The following FGD4 variants were observed in gnomAD, a reference collection of about 807,000 sequenced individuals.
FGD4 encodes FYVE, RhoGEF and PH domain-containing protein 4.
In FGD4, 42 loss-of-function variants were observed where a neutral mutation model predicts 102.0. That is an observed-to-expected ratio of 0.41 (90% CI 0.32 to 0.53). The LOEUF (loss-of-function observed/expected upper bound fraction) is 0.53, where lower values mean the gene tolerates loss of function less well. Among genes scored for constraint, FGD4 ranks in the 20% least tolerant of loss-of-function variants. FGD4 has a pLI of 0.21. For synonymous variants in FGD4, 380 were observed against 375.7 expected (o/e 1.01, Z -0.13); for missense variants, 902 against 1,078.2 (o/e 0.84, Z 2.29).
At chr12:32,597,294 G>A (rs370107859) in intron 4 of FGD4, among the ~76,000 whole-genome samples, 15 of 152,326 alleles carry the variant, frequency 9.8e-5, no homozygotes, top group Admixed American at 5.9e-4. Context: ...GCGAAACAGG[G>A]TGGCAGTGTT....
At chr12:32,596,406 T>A (rs1259557230) in intron 4 of FGD4, among the ~76,000 whole-genome samples, 1 of 152,180 alleles carries the variant, frequency 6.6e-6, no homozygotes, top group Non-Finnish European at 1.5e-5. Flanking sequence ...TAATCAAACA[T>A]GCATTTGAGT....
At chr12:32,459,327 G>A (rs1183050684) in intron 1 of FGD4, among the ~76,000 whole-genome samples, 1 of 151,396 alleles carries the variant, frequency 6.6e-6, no homozygotes, top group Admixed American at 6.6e-5. Context: ...CCAACTAGCT[G>A]GGGTTACAGG....
chr12:32,558,450 A>C (rs1206642532), intron 1 of FGD4, among the ~76,000 whole-genome samples: 1 of 152,232 alleles, frequency 6.6e-6, no homozygotes, highest in Non-Finnish European at 1.5e-5. Flanking sequence ...AGACCGTATA[A>C]AGCTGTGATC....
chr12:32,472,612 A>G (rs978814209), intron 1 of FGD4, among the ~76,000 whole-genome samples: 1 of 152,160 alleles, frequency 6.6e-6, no homozygotes, highest in African/African-American at 2.4e-5. Flanking sequence ...AGCCTCCCGG[A>G]CGAGCACCAC....
intron 1 of FGD4, among the ~76,000 whole-genome samples, chr12:32,465,671 A>T (rs1943233691): frequency 6.6e-6 from 1 of 152,168 alleles, no homozygotes; most frequent in Non-Finnish European, 1.5e-5. Context: ...CGTCTTAAAA[A>T]AAAAAAAAAT....
At chr12:32,581,546 T>C (rs1376493044) in intron 3 of FGD4, among the ~76,000 whole-genome samples, 1 of 152,212 alleles carries the variant, frequency 6.6e-6, no homozygotes, top group Admixed American at 6.5e-5. Flanking sequence ...TTTAAAAATG[T>C]TAAGAAACAT....
intron 2 of FGD4, among the ~76,000 whole-genome samples, chr12:32,575,574 A>G (rs370524343): frequency 6.6e-6 from 1 of 152,168 alleles, no homozygotes; most frequent in Admixed American, 6.5e-5. Context: ...TTTCAACATG[A>G]TGTTTGGAGG....
chr12:32,416,949 T>C (rs1486513509), intron 1 of FGD4, among the ~76,000 whole-genome samples: 1 of 151,556 alleles, frequency 6.6e-6, no homozygotes, highest in Non-Finnish European at 1.5e-5. Context: ...CAGGTTGGAG[T>C]GCAATGGCAC....
chr12:32,621,953 T>C (rs142671933), intron 11 of FGD4, among the ~76,000 whole-genome samples: 1,725 of 151,944 alleles, frequency 0.011, 13 homozygotes, highest in South Asian at 0.053. Flanking sequence ...AATGGCATGA[T>C]CTTGGCCCAC....
intron 1 of FGD4, among the ~76,000 whole-genome samples, chr12:32,405,816 T>C (rs1047005974): frequency 6.6e-6 from 1 of 152,118 alleles, no homozygotes. Flanking sequence ...ATAGTTCTGG[T>C]TCAGAACCAG....
intron 1 of FGD4, among the ~76,000 whole-genome samples, chr12:32,446,482 T>A (rs971254045): frequency 1.3e-5 from 2 of 152,128 alleles, no homozygotes; most frequent in Non-Finnish European, 2.9e-5. Flanking sequence ...GCCTGTTTGT[T>A]CAGATTCTTT....
intron 1 of FGD4, among the ~76,000 whole-genome samples, chr12:32,422,762 A>G (rs543862052): frequency 6.6e-6 from 1 of 152,330 alleles, no homozygotes; most frequent in Non-Finnish European, 1.5e-5. Flanking sequence ...AGTATATATG[A>G]ATATCATTTT....
chr12:32,613,728 A>AT (rs2136802426), intron 10 of FGD4, among the ~76,000 whole-genome samples: 1 of 152,222 alleles, frequency 6.6e-6, no homozygotes, highest in South Asian at 2.1e-4. Context: ...AGGTATGACC[A>AT]TGCCACCCAG....
At chr12:32,629,518 A>G (rs1178222133) in intron 14 of FGD4, among the ~76,000 whole-genome samples, 1 of 152,160 alleles carries the variant, frequency 6.6e-6, no homozygotes, top group African/African-American at 2.4e-5. Context: ...AAAAGTTATG[A>G]TATGTTATTT....
rs540409334 is a variant in FGD4, at chr12:32,441,498, G to A, written c.166+41539G>A. On this transcript the variant is annotated intron_variant, in intron 1 of 16. Transcript: ENST00000534526. ...ACTCTGGACTGGTGACTCTGACTAC[G>A]GTGCCCTTTCCTGCTATGGCTAAGC... Among the ~76,000 whole-genome samples the A allele has an allele frequency of 1.1e-3, 173 of 151,948 alleles. 4 individuals carry two copies. Among genetic ancestry groups the A allele is most frequent in the Admixed American group, 0.011 (162 of 15,236 alleles).
chr12:32,536,097 A>G (rs924306997), intron 1 of FGD4, among the ~76,000 whole-genome samples: 11 of 151,544 alleles, frequency 7.3e-5, no homozygotes, highest in Admixed American at 2.6e-4. Context: ...TTTTTTTTTA[A>G]TGACCTGAAA....
intron 1 of FGD4, among the ~76,000 whole-genome samples, chr12:32,498,598 T>TTTTGTTTG (rs746921570): frequency 7.1e-4 from 108 of 152,160 alleles, no homozygotes; most frequent in Middle Eastern, 3.4e-3. Context: ...GTTATTGGTT[T>TTTTGTTTG]TTTGTTTGTT....
intron 2 of FGD4, among the ~76,000 whole-genome samples, chr12:32,568,764 T>A (rs549496550): frequency 1.3e-5 from 2 of 152,342 alleles, no homozygotes; most frequent in Non-Finnish European, 2.9e-5. Flanking sequence ...ATAATGCATT[T>A]ATACATAGCC....
At position 32,402,698 on chromosome 12, in the gene FGD4, A is replaced by G. The variant is rs1940739165; in HGVS notation, c.166+2739A>G. 2.0e-5 allele frequency among the ~76,000 whole-genome samples: 3 copies of G among 151,716 alleles called. No homozygotes were observed. The South Asian group carries it at 6.2e-4, about 31-fold the overall frequency. On this transcript the variant is annotated intron_variant, in intron 1 of 16. Coordinates refer to ENST00000534526, the MANE Select transcript of FGD4 (RefSeq NM_001370298.3). ...TCTAGGTGTGTTACATTGTCTCGAT[A>G]TTGTAAACCGGCTGAAACTCAAAAT...
Sources: allele counts gnomAD v4.1 joint callset (sites outside exome capture counted in the v4.1 genomes callset), GRCh38; gene constraint gnomAD v4.1.1; transcripts MANE v1.5; gene names NCBI Gene and HGNC (gene_info 2026-07-23, HGNC 2026-07-21).